SAMHD1: variants seen among roughly 807,000 people sequenced by gnomAD.
SAMHD1 encodes the protein deoxynucleoside triphosphate triphosphohydrolase SAMHD1.
A neutral mutation model predicts 79.6 loss-of-function variants in SAMHD1; 54 were observed. The observed-to-expected ratio is 0.68, with a 90% confidence interval of 0.55 to 0.85. SAMHD1 has a LOEUF of 0.85. SAMHD1 is among the 40% of genes least tolerant of loss of function. SAMHD1 has a pLI of 0.00. For missense variants in SAMHD1, 663 were observed against 782.7 expected (o/e 0.85, Z 1.82); for synonymous variants, 260 against 264.1 (o/e 0.98, Z 0.15).
Position 36,905,602 on chromosome 20 carries a change from G to A in SAMHD1, c.1271-99C>T, listed in dbSNP as rs562053841. On this transcript the variant is annotated intron_variant, in intron 11 of 15. Transcript: ENST00000646673. ...TTGAAATGATCTTAACAGGCAGTTC[G>A]CAAATGTAGGTACATTATTATTTTA... is the stretch of plus-strand genomic sequence containing the variant. 1.7e-4 allele frequency: 173 copies of A among 993,500 alleles called. 2 individuals carry two copies. Among genetic ancestry groups the A allele is most frequent in the South Asian group, 1.4e-3 (100 of 72,758 alleles). The allele number at this position is 993,500 out of a possible 1,614,324, so 61.5% of individuals were successfully genotyped here. A position where few individuals can be genotyped will look rare whatever the true frequency, so the allele number is the denominator to read the frequency against.
intron 11 of SAMHD1, among the ~76,000 whole-genome samples, chr20:36,910,706 G>C (rs2063433598): frequency 6.6e-6 from 1 of 150,908 alleles, no homozygotes; most frequent in Non-Finnish European, 1.5e-5. Flanking sequence ...CTCCAGCCTA[G>C]GTGACAGAGC....
At position 36,916,838 on chromosome 20, in the gene SAMHD1, G is replaced by A; in HGVS notation, c.954-8C>T. 6.2e-7 allele frequency: 1 copy of A among 1,610,786 alleles called. No homozygotes were observed. Among genetic ancestry groups the A allele is most frequent in the South Asian group, 1.1e-5 (1 of 91,018 alleles). On this transcript the variant is annotated splice_polypyrimidine_tract_variant and splice_region_variant and intron_variant, in intron 8 of 15. Transcript: ENST00000646673. ...CCAAGATGATGGCAGTCCCTAGAAG[G>A]ATTCCAAAACAGAGAGATGAAATTT...
At chr20:36,898,681 A>AGGTG (rs1990243991) in intron 13 of SAMHD1, 137 bp from the exon 14 acceptor site, 1 of 693,576 alleles carries the variant, frequency 1.4e-6, no homozygotes, top group Non-Finnish European at 2.6e-6. Flanking sequence ...TGGGAGGCCA[A>AGGTG]GGTGGGTGAA....
rs1415995894 is a variant in SAMHD1 at position 36,935,136 on chromosome 20, T to G, written c.402A>C (p.Arg134=). Residue 134 remains arginine (R), a synonymous_variant, in exon 4 of 16, where the codon CGA becomes CGC. Coordinates refer to ENST00000646673, the MANE Select transcript of SAMHD1 (RefSeq NM_015474.4). ...GHIELHPLLV[R]IIDTPQFQRL... ...GTTGAAATTGAGGTGTATCAATGAT[T>G]CGGACGAGGAGAGGGTGGAGCTCAA... The G allele has an allele frequency of 6.8e-6, 11 of 1,613,904 alleles. No homozygotes were observed. The highest frequency in any genetic ancestry group is 1.3e-5 in the African/African-American group (1 of 75,050).
Position 36,927,179 on chromosome 20 carries a change from T to C in SAMHD1, c.696+3A>G. 1.2e-6 allele frequency: 2 copies of C among 1,610,708 alleles called. No individual in the cohort carries two copies. The highest frequency in any genetic ancestry group is 8.5e-7 in the Non-Finnish European group (1 of 1,176,874). On this transcript the variant is annotated splice_donor_region_variant and intron_variant, in intron 6 of 15. Coordinates refer to ENST00000646673, the MANE Select transcript of SAMHD1 (RefSeq NM_015474.4). ...ATTGACTATTGACTGTATGAATACA[T>C]ACCGTCCATTTCACCTCCGGGCGAG...
At chr20:36,934,042 T>G in intron 4 of SAMHD1, among the ~76,000 whole-genome samples, 1 of 147,858 alleles carries the variant, frequency 6.8e-6, no homozygotes, top group African/African-American at 2.5e-5. Flanking sequence ...TGAGACTCCA[T>G]CTCAAAAAAA....
intron 6 of SAMHD1, among the ~76,000 whole-genome samples, chr20:36,924,101 A>T (rs576239213): frequency 6.6e-5 from 10 of 152,114 alleles, no homozygotes; most frequent in African/African-American, 1.9e-4. Flanking sequence ...AAATATAAAA[A>T]ATTAGCTGGG....
At chr20:36,943,800 C>T (rs939045346) in intron 2 of SAMHD1, among the ~76,000 whole-genome samples, 3 of 152,074 alleles carry the variant, frequency 2.0e-5, no homozygotes, top group Admixed American at 6.6e-5. Context: ...AAGAGTCATG[C>T]CGGGGACAGT....
At chr20:36,937,711 A>G (rs2063613345) in intron 3 of SAMHD1, among the ~76,000 whole-genome samples, 1 of 152,222 alleles carries the variant, frequency 6.6e-6, no homozygotes, top group Non-Finnish European at 1.5e-5. Context: ...GTAGCAAACT[A>G]GGTCAATTCT....
intron 3 of SAMHD1, among the ~76,000 whole-genome samples, chr20:36,939,147 A>G (rs1284095045): frequency 7.0e-6 from 1 of 143,446 alleles, no homozygotes; most frequent in Non-Finnish European, 1.5e-5. Context: ...CCAGCTACTC[A>G]GGAGGCTGAG....
chr20:36,921,902 T>A (rs2063508288), intron 6 of SAMHD1, among the ~76,000 whole-genome samples: 1 of 152,184 alleles, frequency 6.6e-6, no homozygotes, highest in Non-Finnish European at 1.5e-5. Flanking sequence ...TTGGCCAGGC[T>A]GGTCTCCAAC....
intron 6 of SAMHD1, 104 bp from the exon 7 acceptor site, chr20:36,919,623 T>C (rs2063494257): frequency 3.1e-6 from 3 of 983,320 alleles, no homozygotes; most frequent in Admixed American, 4.2e-5. Context: ...GATAAAGGTC[T>C]ATTGCATATT....
At position 36,941,109 on chromosome 20, in the gene SAMHD1, GA is replaced by G; in HGVS notation, c.277del (p.Ser93ProfsTer23). The G allele has an allele frequency of 6.2e-7, 1 of 1,608,434 alleles. No individual in the cohort carries two copies. Among genetic ancestry groups the G allele is most frequent in the Admixed American group, 1.7e-5 (1 of 59,956 alleles). ...AAGCAGCTTCTTCCTCTCCCCCAAGGAACTAAAATTACAATAGGATAAGCAA... is the reference window on the plus strand; with the variant it reads ...AAGCAGCTTCTTCCTCTCCCCCAAGGACTAAAATTACAATAGGATAAGCAA... ...ESRFENLGVS[S>X]LGERKKLLSY... is the part of the protein sequence containing the mutation. On this transcript the variant is annotated frameshift_variant and splice_region_variant, in exon 3 of 16. Transcript: ENST00000646673. LOFTEE classifies it high-confidence loss of function.
intron 4 of SAMHD1, among the ~76,000 whole-genome samples, chr20:36,932,544 A>G (rs2063574967): frequency 2.8e-5 from 4 of 141,984 alleles, no homozygotes; most frequent in Non-Finnish European, 6.0e-5. Context: ...CAACCTCAGG[A>G]GTAGCTGGGA....
At chr20:36,903,874 G>A (rs2063390656) in intron 13 of SAMHD1, 2 of 301,886 alleles carry the variant, frequency 6.6e-6, no homozygotes, top group Non-Finnish European at 1.3e-5. Context: ...CTCTGTGCTT[G>A]TATGCAGGCA....
intron 4 of SAMHD1, among the ~76,000 whole-genome samples, chr20:36,932,069 C>T (rs1382261393): frequency 6.6e-6 from 1 of 151,916 alleles, no homozygotes; most frequent in Non-Finnish European, 1.5e-5. Flanking sequence ...CACCTGAGGT[C>T]GGGAGTTCAA....
In SAMHD1 at chr20:36,917,041, A is replaced by T. The variant is rs752962934; in HGVS notation, c.861T>A (p.Tyr287Ter). The T allele has an allele frequency of 6.8e-6, 11 of 1,611,934 alleles. No homozygotes were observed. The highest frequency in any genetic ancestry group is 9.3e-6 in the Non-Finnish European group (11 of 1,178,088). Reference sequence around the variant, plus strand: ...AGCTTTTGTTTTCAGGACGCCCTTTATATGGCCACTGGAAGGCAAGAAAAC... The same window carrying T: ...AGCTTTTGTTTTCAGGACGCCCTTTTTATGGCCACTGGAAGGCAAGAAAAC... ...ESPVEDSLWPYKGRPENKSFL... is the reference protein window; with the variant it reads ...ESPVEDSLWP Residue 287 changes from tyrosine to a stop codon, truncating the protein, a stop_gained, in exon 8 of 16, where the codon TAT (tyrosine) becomes TAA (stop). Transcript: ENST00000646673. LOFTEE classifies it high-confidence loss of function.
chr20:36,946,906 C>T, intron 1 of SAMHD1, 102 bp from the exon 2 acceptor site: 1 of 864,898 alleles, frequency 1.2e-6, no homozygotes, highest in Non-Finnish European at 1.9e-6. Context: ...TAAGTGAGTA[C>T]CCACTGCAGG....
intron 2 of SAMHD1, among the ~76,000 whole-genome samples, chr20:36,942,228 T>C: frequency 6.6e-6 from 1 of 152,098 alleles, no homozygotes; most frequent in Non-Finnish European, 1.5e-5. Flanking sequence ...CAAGCCTGAC[T>C]AACATGGAGA....
Sources: allele counts gnomAD v4.1 joint callset (sites outside exome capture counted in the v4.1 genomes callset), GRCh38; gene constraint gnomAD v4.1.1; transcripts MANE v1.5; gene names NCBI Gene and HGNC (gene_info 2026-07-23, HGNC 2026-07-21).